USH1G: variants seen among roughly 807,000 people sequenced by gnomAD.
USH1G encodes USH1 protein network component sans.
Under a neutral mutation model 31.9 loss-of-function variants are expected in USH1G, and 27 were observed. The ratio of observed to expected loss-of-function variants is 0.85; its 90% confidence interval spans 0.62 to 1.17. The LOEUF (loss-of-function observed/expected upper bound fraction) is 1.17, where lower values mean the gene tolerates loss of function less well. Ranked by LOEUF, USH1G falls within the 50% of genes most tolerant of loss-of-function variation. The pLI, the probability that USH1G is intolerant of heterozygous loss-of-function variation, is 0.00. For synonymous variants in USH1G, 266 were observed against 283.2 expected (o/e 0.94, Z 0.61); for missense variants, 674 against 638.9 (o/e 1.05, Z -0.59).
rs889141962 is a variant in USH1G at position 74,921,976 on chromosome 17, T to C, written c.164+934A>G. On this transcript the variant is annotated intron_variant, in intron 1 of 2. Coordinates refer to ENST00000614341, the MANE Select transcript of USH1G (RefSeq NM_173477.5). This position sits in a 1 kb window ranked among gnomAD's most constrained non-coding sequence, Gnocchi z 4.6. ...ACATGTTCAGGCACTGGCCAGTACC[T>C]GGTACCGGGGCCAGCTAAGCCCCTG... Among the ~76,000 whole-genome samples, 1 of 152,148 alleles carries C rather than the reference T, an allele frequency of 6.6e-6. No individual in the cohort carries two copies. Among genetic ancestry groups the C allele is most frequent in the Non-Finnish European group, 1.5e-5 (1 of 68,006 alleles).
Position 74,923,240 on chromosome 17 carries a change from G to C in USH1G, c.-167C>G. ...GGAGGGTGCGGAGCGCCAGAGCCGC[G>C]ACTACCAAGACATCTGAAACGCTCA... On this transcript the variant is annotated 5_prime_UTR_variant, in exon 1 of 3. Coordinates refer to ENST00000614341, the MANE Select transcript of USH1G (RefSeq NM_173477.5). This position sits in a 1 kb window ranked among gnomAD's most constrained non-coding sequence, Gnocchi z 5.3. The C allele has an allele frequency of 5.6e-6, 1 of 178,258 alleles. No individual in the cohort carries two copies. Among genetic ancestry groups the C allele is most frequent in the Non-Finnish European group, 9.9e-6 (1 of 101,096 alleles). 11.0% of individuals were successfully genotyped at this position (178,258 alleles called of 1,614,324 possible).
chr17:74,917,591 G>A lies in USH1G; in HGVS notation c.*482C>T, dbSNP rs75035213. 4.7e-4 allele frequency: 81 copies of A among 171,320 alleles called. No individual in the cohort carries two copies. The East Asian group carries it at 1.0e-2, about 21-fold the overall frequency. 10.6% of individuals were successfully genotyped at this position (171,320 alleles called of 1,614,324 possible). A position where few individuals can be genotyped will look rare whatever the true frequency, so the allele number is the denominator to read the frequency against. ...GAGGAACTTCCCCTCTGGGGTGGAC[G>A]GGAGGAGGGGAGGCAGCCCAAACTC... On this transcript the variant is annotated 3_prime_UTR_variant, in exon 3 of 3. Coordinates refer to ENST00000614341, the MANE Select transcript of USH1G (RefSeq NM_173477.5).
chr17:74,917,711 C>T lies in USH1G; in HGVS notation c.*362G>A, dbSNP rs566785681. The T allele has an allele frequency of 1.5e-4, 53 of 347,024 alleles. No individual in the cohort carries two copies. The East Asian group carries it at 1.9e-3, about 12-fold the overall frequency. The allele number at this position is 347,024 out of a possible 1,614,324, so 21.5% of individuals were successfully genotyped here. A position where few individuals can be genotyped will look rare whatever the true frequency, so the allele number is the denominator to read the frequency against. ...GAGGGGTGGGAGAGGCCACGGCGCCCGGGACAGGTGCACCCTCCCGCATCC... is the reference window on the plus strand; with the variant it reads ...GAGGGGTGGGAGAGGCCACGGCGCCTGGGACAGGTGCACCCTCCCGCATCC... On this transcript the variant is annotated 3_prime_UTR_variant, in exon 3 of 3. Transcript: ENST00000614341.
At position 74,919,746 on chromosome 17, in the gene USH1G, G is replaced by A. The variant is rs1488514247; in HGVS notation, c.1090C>T (p.Gln364Ter). 6.2e-7 allele frequency: 1 copy of A among 1,612,842 alleles called. No individual in the cohort carries two copies. The highest frequency in any genetic ancestry group is 8.5e-7 in the Non-Finnish European group (1 of 1,180,020). Residue 364 changes from glutamine (Q) to a stop codon, truncating the protein, a stop_gained, in exon 2 of 3, where the codon CAG (glutamine) becomes TAG (stop). Coordinates refer to ENST00000614341, the MANE Select transcript of USH1G (RefSeq NM_173477.5). LOFTEE classifies it high-confidence loss of function. The surrounding 1 kb of genome is among the most constrained non-coding windows in gnomAD (Gnocchi z 4.5). The stretch of plus-strand genomic sequence containing the variant: ...AGCTCCTCCCCACAGCTGCGGTCCT[G>A]CAGGCTGTTGGCACTGCCCAGGCTG... ...DDSLGSANSL[Q>*]DRSCGEELPW...
rs2038910842 is a variant in USH1G, at chr17:74,919,717, G to C, written c.1119C>G (p.Pro373=). The part of the protein sequence containing the change: ...LQDRSCGEEL[P]WDELDLGLDE... ...CCAAGCCTAAATCGAGCTCATCCCAGGGCAGCTCCTCCCCACAGCTGCGGT... is the reference window on the plus strand; with the variant it reads ...CCAAGCCTAAATCGAGCTCATCCCACGGCAGCTCCTCCCCACAGCTGCGGT... Residue 373 remains proline (P), a synonymous_variant, in exon 2 of 3, where the codon CCC becomes CCG. Coordinates refer to ENST00000614341, the MANE Select transcript of USH1G (RefSeq NM_173477.5). This position sits in a 1 kb window ranked among gnomAD's most constrained non-coding sequence, Gnocchi z 4.5. The C allele has an allele frequency of 6.2e-7, 1 of 1,612,946 alleles. No individual in the cohort carries two copies. The highest frequency in any genetic ancestry group is 8.5e-7 in the Non-Finnish European group (1 of 1,180,022).
rs1444190768 is a variant in USH1G, at chr17:74,918,387, C to A, written c.1383-311G>T. ...GGGCCAGGGCAGGGGCTGGCCACAG[C>A]ATGACCATTGTGGTGGCAGCCTTGG... is the stretch of plus-strand genomic sequence containing the variant. On this transcript the variant is annotated intron_variant, in intron 2 of 2. Transcript: ENST00000614341. The surrounding 1 kb of genome is among the most constrained non-coding windows in gnomAD (Gnocchi z 4.1). Among the ~76,000 whole-genome samples, 1 of 152,216 alleles carries A rather than the reference C, an allele frequency of 6.6e-6. No homozygotes were observed. Among genetic ancestry groups the A allele is most frequent in the African/African-American group, 2.4e-5 (1 of 41,462 alleles).
Position 74,919,977 on chromosome 17 carries a change from T to C in USH1G, c.859A>G (p.Thr287Ala), listed in dbSNP as rs199782834. The stretch of plus-strand genomic sequence containing the variant: ...GAGTGGGCAGGCTCGGCCGCCAGCG[T>C]GGCACGGGAGACGCTGTCCTCGTCC... Reference protein sequence around the residue: ...LSDEDSVSRATLAAEPAHSEV... With the variant: ...LSDEDSVSRAALAAEPAHSEV... Residue 287 changes from threonine (T) to alanine (A), a missense_variant, in exon 2 of 3, where the codon ACG becomes GCG. Transcript: ENST00000614341. The surrounding 1 kb of genome is among the most constrained non-coding windows in gnomAD (Gnocchi z 4.5). The C allele has an allele frequency of 2.4e-5, 38 of 1,611,906 alleles. No homozygotes were observed. Among genetic ancestry groups the C allele is most frequent in the Non-Finnish European group, 2.8e-5 (33 of 1,179,296 alleles).
chr17:74,919,382 A>C lies in USH1G; in HGVS notation c.1382+72T>G. 5 of 1,374,372 alleles carry C rather than the reference A, an allele frequency of 3.6e-6. No individual in the cohort carries two copies. Among genetic ancestry groups the C allele is most frequent in the Non-Finnish European group, 3.8e-6 (4 of 1,040,926 alleles). 85.1% of individuals were successfully genotyped at this position (1,374,372 alleles called of 1,614,324 possible). On this transcript the variant is annotated intron_variant, in intron 2 of 2. Coordinates refer to ENST00000614341, the MANE Select transcript of USH1G (RefSeq NM_173477.5). The surrounding 1 kb of genome is among the most constrained non-coding windows in gnomAD (Gnocchi z 4.5). ...CCCCACCCCCTACTCCTGAATAGGC[A>C]GATCTGTACCCCCTCCCCAGGGGCC...
Position 74,920,547 on chromosome 17 carries a change from C to T in USH1G, c.289G>A (p.Asp97Asn), listed in dbSNP as rs920379501. Residue 97 changes from aspartate (D) to asparagine (N), a missense_variant, in exon 2 of 3, where the codon GAC becomes AAC. Physicochemically the swap from Asp to Asn is conservative, Grantham distance 23 (BLOSUM62 1). Transcript: ENST00000614341. The surrounding 1 kb of genome is among the most constrained non-coding windows in gnomAD (Gnocchi z 5.2). ...FGANIWCLDN[D>N]YHTPLDMAAM... ...GCCATGTCCAGCGGCGTGTGGTAGT[C>T]GTTGTCTAGGCACCAGATGTTGGCT... The T allele has an allele frequency of 3.7e-6, 6 of 1,613,682 alleles. No homozygotes were observed. The highest frequency in any genetic ancestry group is 4.2e-6 in the Non-Finnish European group (5 of 1,180,024).
Position 74,922,938 on chromosome 17 carries a change from C to A in USH1G, c.136G>T (p.Glu46Ter). 2 of 1,548,554 alleles carry A rather than the reference C, an allele frequency of 1.3e-6. No individual in the cohort carries two copies. The highest frequency in any genetic ancestry group is 8.7e-7 in the Non-Finnish European group (1 of 1,144,046). Residue 46 changes from glutamate to a stop codon, truncating the protein, a stop_gained, in exon 1 of 3, where the codon GAG (glutamate) becomes TAG (stop). Transcript: ENST00000614341. LOFTEE classifies it high-confidence loss of function. Reference sequence around the variant, plus strand: ...CGGCTCACAATGAGACGCAGCGACTCGAGGTTGCCATGGTAGGCAGCCCAG... The same window carrying A: ...CGGCTCACAATGAGACGCAGCGACTAGAGGTTGCCATGGTAGGCAGCCCAG... ...TLWAAYHGNL[E>*]SLRLIVSRGG... is the part of the protein sequence containing the mutation.
In USH1G at chr17:74,922,894, G is replaced by T. The variant is rs1401155125; in HGVS notation, c.164+16C>A. ...GGTCTCAGGGGCCTCAAGGGCACTGGGTGGGGCGTACTCACCCGCGGCTCA... is the reference window on the plus strand; with the variant it reads ...GGTCTCAGGGGCCTCAAGGGCACTGTGTGGGGCGTACTCACCCGCGGCTCA... On this transcript the variant is annotated intron_variant, in intron 1 of 2. Coordinates refer to ENST00000614341, the MANE Select transcript of USH1G (RefSeq NM_173477.5). 4 of 1,542,694 alleles carry T rather than the reference G, an allele frequency of 2.6e-6. No homozygotes were observed. The South Asian group carries it at 4.8e-5, about 18-fold the overall frequency.
rs1226851798 is a variant in USH1G at position 74,920,334 on chromosome 17, C to T, written c.502G>A (p.Glu168Lys). Residue 168 changes from glutamate to lysine, a missense_variant, in exon 2 of 3, where the codon GAG becomes AAG. By Grantham distance (56) the Glu-to-Lys change is moderately conservative. Coordinates refer to ENST00000614341, the MANE Select transcript of USH1G (RefSeq NM_173477.5). This position sits in a 1 kb window ranked among gnomAD's most constrained non-coding sequence, Gnocchi z 5.2. ...HERMERRYRR[E>K]LAERSDTLSF... ...AGGGTGTCGGAACGCTCGGCCAGCTCGCGCCGGTATCGCCGCTCCATGCGT... is the reference window on the plus strand; with the variant it reads ...AGGGTGTCGGAACGCTCGGCCAGCTTGCGCCGGTATCGCCGCTCCATGCGT... The T allele has an allele frequency of 2.5e-6, 4 of 1,609,846 alleles. No homozygotes were observed. The highest frequency in any genetic ancestry group is 2.5e-6 in the Non-Finnish European group (3 of 1,179,224).
rs769227044 is a variant in USH1G, at chr17:74,919,946, ACCT to A, written c.887_889del (p.Glu296del). 1 of 1,611,732 alleles carries A rather than the reference ACCT, an allele frequency of 6.2e-7. No individual in the cohort carries two copies. The highest frequency in any genetic ancestry group is 1.1e-5 in the South Asian group (1 of 91,012). ...GGAGTCGTGGCCTGAGTCGGTGCTG[ACCT>A]CCGAGTGGGCAGGCTCGGCCGCCAG... On this transcript the variant is annotated inframe_deletion, in exon 2 of 3. Transcript: ENST00000614341. This position sits in a 1 kb window ranked among gnomAD's most constrained non-coding sequence, Gnocchi z 4.5.
Position 74,919,666 on chromosome 17 carries a change from G to T in USH1G, c.1170C>A (p.Ser390Arg), listed in dbSNP as rs199724052. The T allele has an allele frequency of 1.2e-6, 2 of 1,612,710 alleles. No homozygotes were observed. Among genetic ancestry groups the T allele is most frequent in the Non-Finnish European group, 8.5e-7 (1 of 1,180,038 alleles). Reference sequence around the variant, plus strand: ...GAGAGGCCAGGAAGGTCTCCAGCGGGCTAGTCTCGGGCTCCAGGTCCTCGT... The same window carrying T: ...GAGAGGCCAGGAAGGTCTCCAGCGGTCTAGTCTCGGGCTCCAGGTCCTCGT... ...GLDEDLEPET[S>R]PLETFLASLH... Residue 390 changes from serine (S) to arginine (R), a missense_variant, in exon 2 of 3, where the codon AGC becomes AGA. Ser to Arg is a moderately radical substitution (Grantham distance 110). Transcript: ENST00000614341. This position sits in a 1 kb window ranked among gnomAD's most constrained non-coding sequence, Gnocchi z 4.5.
chr17:74,919,600 C>T lies in USH1G; in HGVS notation c.1236G>A (p.Lys412=). 6.2e-7 allele frequency: 1 copy of T among 1,612,786 alleles called. No homozygotes were observed. The highest frequency in any genetic ancestry group is 8.5e-7 in the Non-Finnish European group (1 of 1,180,030). ...ACAGCATCAAAGCCTCGAGGTCGAT[C>T]TTCTCCTGCCGCAGGAGGGCGGCAA... The part of the protein sequence containing the change: ...EDFAALLRQE[K]IDLEALMLCS... The change falls in exon 2 of 3, where the codon AAG becomes AAA. Residue 412 remains lysine, a synonymous_variant. Transcript: ENST00000614341. This position sits in a 1 kb window ranked among gnomAD's most constrained non-coding sequence, Gnocchi z 4.5.
In USH1G at chr17:74,919,292, G is replaced by A. The variant is rs1304349063; in HGVS notation, c.1382+162C>T. Among the ~76,000 whole-genome samples, 2 of 152,130 alleles carry A rather than the reference G, an allele frequency of 1.3e-5. No homozygotes were observed. Among genetic ancestry groups the A allele is most frequent in the African/African-American group, 2.4e-5 (1 of 41,410 alleles). On this transcript the variant is annotated intron_variant, in intron 2 of 2. Transcript: ENST00000614341. This position sits in a 1 kb window ranked among gnomAD's most constrained non-coding sequence, Gnocchi z 4.5. ...GGCCACTTCTTTTTCTGAGCTGGTGGTAAATAAAATAAGGGTGCCTTTTAT... is the reference window on the plus strand; with the variant it reads ...GGCCACTTCTTTTTCTGAGCTGGTGATAAATAAAATAAGGGTGCCTTTTAT...
At position 74,917,728 on chromosome 17, in the gene USH1G, C is replaced by T. The variant is rs1383777137; in HGVS notation, c.*345G>A. Reference sequence around the variant, plus strand: ...ACGGCGCCCGGGACAGGTGCACCCTCCCGCATCCACCTCCCACACTCTCAT... The same window carrying T: ...ACGGCGCCCGGGACAGGTGCACCCTTCCGCATCCACCTCCCACACTCTCAT... On this transcript the variant is annotated 3_prime_UTR_variant, in exon 3 of 3. Transcript: ENST00000614341. 7.8e-6 allele frequency: 3 copies of T among 386,102 alleles called. No homozygotes were observed. Among genetic ancestry groups the T allele is most frequent in the Non-Finnish European group, 1.5e-5 (3 of 205,810 alleles). The allele number at this position is 386,102 out of a possible 1,614,324, so 23.9% of individuals were successfully genotyped here. A position where few individuals can be genotyped will look rare whatever the true frequency, so the allele number is the denominator to read the frequency against.
chr17:74,922,662 A>T (rs2038958710), intron 1 of USH1G, among the ~76,000 whole-genome samples: 2 of 151,688 alleles, frequency 1.3e-5, no homozygotes, highest in African/African-American at 2.4e-5. Flanking sequence ...CTCACTCTGC[A>T]GCAACCCCCC....
At position 74,920,015 on chromosome 17, in the gene USH1G, T is replaced by G; in HGVS notation, c.821A>C (p.Asp274Ala). 2 of 1,612,010 alleles carry G rather than the reference T, an allele frequency of 1.2e-6. No homozygotes were observed. The highest frequency in any genetic ancestry group is 1.7e-6 in the Non-Finnish European group (2 of 1,179,678). The change falls in exon 2 of 3, where the codon GAC becomes GCC. Residue 274 changes from aspartate (D) to alanine (A), a missense_variant. Coordinates refer to ENST00000614341, the MANE Select transcript of USH1G (RefSeq NM_173477.5). The surrounding 1 kb of genome is among the most constrained non-coding windows in gnomAD (Gnocchi z 5.2). ...GCTGTCCTCGTCCGAGAGGAACATG[T>G]CCCGGAGCGGGGCTCGGCCCCACTC... is the stretch of plus-strand genomic sequence containing the variant. ...PKEWGRAPLRDMFLSDEDSVS... is the reference protein window; with the variant it reads ...PKEWGRAPLRAMFLSDEDSVS...
Sources: allele counts gnomAD v4.1 joint callset (sites outside exome capture counted in the v4.1 genomes callset), GRCh38; gene constraint gnomAD v4.1.1; non-coding constraint Gnocchi (gnomAD v3.1); transcripts MANE v1.5; gene names NCBI Gene and HGNC (gene_info 2026-07-23, HGNC 2026-07-21).